Variants in ARHGAP10 observed in about 807,000 individuals in gnomAD.
The protein encoded by ARHGAP10 is Rho GTPase activating protein 10, also known as rho GTPase-activating protein 10.
In ARHGAP10, 87 loss-of-function variants were observed where a neutral mutation model predicts 108.6. The ratio of observed to expected loss-of-function variants is 0.80; its 90% CI spans 0.67 to 0.96. The LOEUF (loss-of-function observed/expected upper bound fraction) is 0.96. Ranked by LOEUF, ARHGAP10 falls within the 40% of genes least tolerant of loss-of-function variation. The pLI is 0.00. For missense variants in ARHGAP10, 939 were observed against 954.5 expected, an observed-to-expected ratio of 0.98 and a Z score of 0.21; for synonymous variants, 347 against 341.1, an observed-to-expected ratio of 1.02 and a Z score of -0.19.
intron 19 of ARHGAP10, among the ~76,000 whole-genome samples, chr4:148,040,129 C>T (rs984917705): frequency 2.0e-5 from 3 of 152,132 alleles, no homozygotes; most frequent in Non-Finnish European, 1.5e-5. Context: ...GGTTCAGAGC[C>T]AGGTCTATTA....
At chr4:147,871,667 C>T (rs1318013633) in intron 7 of ARHGAP10, among the ~76,000 whole-genome samples, 5 of 152,104 alleles carry the variant, frequency 3.3e-5, no homozygotes, top group South Asian at 2.1e-4. Context: ...CCTATTGTAA[C>T]GTTTGGGGTC....
intron 1 of ARHGAP10, among the ~76,000 whole-genome samples, chr4:147,784,790 TATATATTATAAATATA>T (rs1286106094): frequency 8.9e-5 from 3 of 33,850 alleles, no homozygotes; most frequent in South Asian, 1.6e-3. Context: ...TATTATAAAA[TATATATTATAAATATA>T]ATATATTATA....
chr4:148,060,774 G>A (rs1729583428), intron 20 of ARHGAP10, among the ~76,000 whole-genome samples: 2 of 152,186 alleles, frequency 1.3e-5, no homozygotes, highest in Non-Finnish European at 2.9e-5. Context: ...ATCACATGCA[G>A]AAACTTAAGT....
intron 1 of ARHGAP10, among the ~76,000 whole-genome samples, chr4:147,803,430 C>T (rs1227506059): frequency 6.6e-6 from 1 of 152,220 alleles, no homozygotes; most frequent in Non-Finnish European, 1.5e-5. Flanking sequence ...TCTATTGCCT[C>T]AAACATTTAT....
intron 8 of ARHGAP10, among the ~76,000 whole-genome samples, chr4:147,876,364 G>A (rs1185118006): frequency 6.6e-6 from 1 of 152,140 alleles, no homozygotes; most frequent in Non-Finnish European, 1.5e-5. Context: ...AGGCCGAGGT[G>A]GGCAGATCAC....
intron 10 of ARHGAP10, among the ~76,000 whole-genome samples, chr4:147,886,719 TC>T (rs1273218834): frequency 6.6e-6 from 1 of 152,202 alleles, no homozygotes; most frequent in African/African-American, 2.4e-5. Context: ...ATGACCACTG[TC>T]CAACAATAGG....
intron 15 of ARHGAP10, among the ~76,000 whole-genome samples, chr4:147,952,765 A>G (rs1738652958): frequency 6.6e-6 from 1 of 152,050 alleles, no homozygotes; most frequent in Non-Finnish European, 1.5e-5. Context: ...GATGAAGTCT[A>G]GTTCATCAGT....
chr4:147,920,566 C>T (rs1737196332), intron 13 of ARHGAP10, among the ~76,000 whole-genome samples: 1 of 152,142 alleles, frequency 6.6e-6, no homozygotes, highest in African/African-American at 2.4e-5. Flanking sequence ...GTCAGTTAAC[C>T]AGTATTTATT....
chr4:147,740,669 T>G (rs1458799674), intron 1 of ARHGAP10, among the ~76,000 whole-genome samples: 2 of 152,226 alleles, frequency 1.3e-5, no homozygotes, highest in East Asian at 3.8e-4. Context: ...ACCTCCACTC[T>G]GTCTCTCTCA....
chr4:147,879,531 A>C (rs574671271), intron 9 of ARHGAP10, among the ~76,000 whole-genome samples, 193 bp downstream of exon 9: 2 of 151,972 alleles, frequency 1.3e-5, no homozygotes, highest in Non-Finnish European at 2.9e-5. Context: ...TCTGAATTAC[A>C]TGCATGGGTT....
In ARHGAP10 at chr4:148,023,719, GAACTA is replaced by G. The variant is rs569361835; in HGVS notation, c.1867+309_1867+313del. Among the ~76,000 whole-genome samples, 38 of 152,336 alleles carry G rather than the reference GAACTA, an allele frequency of 2.5e-4. No individual in the cohort carries two copies. The East Asian group carries it at 7.1e-3, about 29-fold the overall frequency. ...CATAACCCTGAGACAAATGGAAGGGGAACTAAAATTAAAGCAGATCTTTTATGAGA... is the reference window on the plus strand; with the variant it reads ...CATAACCCTGAGACAAATGGAAGGGGAAATTAAAGCAGATCTTTTATGAGA... On this transcript the variant is annotated intron_variant, in intron 19 of 22. Coordinates refer to ENST00000336498, the MANE Select transcript of ARHGAP10 (RefSeq NM_024605.4).
At chr4:147,756,009 A>G (rs992590253) in intron 1 of ARHGAP10, among the ~76,000 whole-genome samples, 1 of 152,092 alleles carries the variant, frequency 6.6e-6, no homozygotes, top group Non-Finnish European at 1.5e-5. Context: ...CTGTCACATA[A>G]TAAGTCAATA....
At chr4:148,025,246 C>T (rs113098772) in intron 19 of ARHGAP10, among the ~76,000 whole-genome samples, 10 of 152,248 alleles carry the variant, frequency 6.6e-5, no homozygotes, top group African/African-American at 2.4e-4. Context: ...AAAGGATTGT[C>T]AGCTACTTAA....
intron 1 of ARHGAP10, among the ~76,000 whole-genome samples, chr4:147,799,215 A>G (rs774284412): frequency 6.6e-5 from 10 of 151,880 alleles, no homozygotes; most frequent in Non-Finnish European, 1.2e-4. Flanking sequence ...TTGTATTTTT[A>G]GTAGAGACGG....
Position 147,966,556 on chromosome 4 carries a change from A to T in ARHGAP10, c.1557-124A>T, listed in dbSNP as rs1038791939. 2.1e-5 allele frequency: 17 copies of T among 808,896 alleles called. No individual in the cohort carries two copies. The Middle Eastern group carries it at 9.8e-4, about 47-fold the overall frequency. The allele number at this position is 808,896 out of a possible 1,614,324, so 50.1% of individuals were successfully genotyped here. A position where few individuals can be genotyped will look rare whatever the true frequency, so the allele number is the denominator to read the frequency against. ...TCAGATCTGGTTATTTCAGAGGTAG[A>T]TGTTGAGGGTGGTTAAGTCTCTTGA... On this transcript the variant is annotated intron_variant, in intron 17 of 22. Coordinates refer to ENST00000336498, the MANE Select transcript of ARHGAP10 (RefSeq NM_024605.4).
intron 4 of ARHGAP10, among the ~76,000 whole-genome samples, chr4:147,855,322 T>G (rs1287444691): frequency 6.6e-6 from 1 of 152,216 alleles, no homozygotes; most frequent in Non-Finnish European, 1.5e-5. Flanking sequence ...ATAGTGGACA[T>G]TTTTAGGTAA....
intron 1 of ARHGAP10, among the ~76,000 whole-genome samples, chr4:147,738,817 A>G (rs1249333775): frequency 1.3e-5 from 2 of 152,194 alleles, no homozygotes; most frequent in East Asian, 3.8e-4. Context: ...GACCAAGAAG[A>G]GAGACAAAAT....
At chr4:147,824,460 T>G (rs904300472) in intron 3 of ARHGAP10, among the ~76,000 whole-genome samples, 4 of 152,232 alleles carry the variant, frequency 2.6e-5, no homozygotes, top group African/African-American at 9.6e-5. Context: ...TTGGTTTACC[T>G]TGACTGTGTG....
chr4:147,734,903 ATATTT>A (rs1221875573), intron 1 of ARHGAP10, among the ~76,000 whole-genome samples: 1 of 152,174 alleles, frequency 6.6e-6, no homozygotes, highest in Non-Finnish European at 1.5e-5. Context: ...CAGATATTTT[ATATTT>A]TATTTTACAA....
Sources: allele counts gnomAD v4.1 joint callset (sites outside exome capture counted in the v4.1 genomes callset), GRCh38; gene constraint gnomAD v4.1.1; transcripts MANE v1.5; gene names NCBI Gene and HGNC (gene_info 2026-07-23, HGNC 2026-07-21).